Variants in ANKS1B observed in about 807,000 individuals in gnomAD.
ANKS1B encodes the protein ankyrin repeat and sterile alpha motif domain-containing protein 1B.
A neutral mutation model predicts 148.3 loss-of-function variants in ANKS1B; 36 were observed. The observed-to-expected ratio is 0.24, with a 90% CI of 0.19 to 0.32. ANKS1B has a LOEUF of 0.32. ANKS1B is among the 10% of genes least tolerant of loss of function. The pLI is 1.00. For missense variants in ANKS1B, 1,157 were observed against 1,542.6 expected, an observed-to-expected ratio of 0.75 and a Z score of 4.19; for synonymous variants, 542 against 560.8, an observed-to-expected ratio of 0.97 and a Z score of 0.47.
intron 8 of ANKS1B, among the ~76,000 whole-genome samples, chr12:99,729,977 G>A (rs1008468586): frequency 6.6e-6 from 1 of 152,134 alleles, no homozygotes; most frequent in African/African-American, 2.4e-5. Context: ...TTAAATCTTT[G>A]GTGCTGCTCC....
chr12:99,525,108 G>GT (rs11408514), intron 9 of ANKS1B, among the ~76,000 whole-genome samples: 35,530 of 152,010 alleles, frequency 0.23, 5,050 homozygotes, highest in African/African-American at 0.41. Flanking sequence ...CATTTGTGTT[G>GT]TTTTTTTATG....
At chr12:99,350,870 G>A (rs983156373) in intron 12 of ANKS1B, among the ~76,000 whole-genome samples, 9 of 151,902 alleles carry the variant, frequency 5.9e-5, no homozygotes, top group African/African-American at 1.9e-4. Flanking sequence ...ATTCAGCTAC[G>A]GTCACTTAGT....
chr12:98,878,700 T>C lies in ANKS1B; in HGVS notation c.2779-46564A>G, dbSNP rs144418858. ...TGTTAAAATTAAGTATTTAATGCGA[T>C]CACTTTGGGGAAACCACATTGATTA... On this transcript the variant is annotated intron_variant, in intron 17 of 26. Coordinates refer to ENST00000683438, the MANE Select transcript of ANKS1B (RefSeq NM_001352186.2). 3.3e-5 allele frequency among the ~76,000 whole-genome samples: 5 copies of C among 152,274 alleles called. No individual in the cohort carries two copies. The East Asian group carries it at 9.7e-4, about 29-fold the overall frequency.
At chr12:99,185,930 G>A (rs938114023) in intron 14 of ANKS1B, among the ~76,000 whole-genome samples, 7 of 152,132 alleles carry the variant, frequency 4.6e-5, no homozygotes, top group Admixed American at 1.3e-4. Flanking sequence ...AAGCCAGGGA[G>A]CCAAGTGGTC....
intron 12 of ANKS1B, among the ~76,000 whole-genome samples, chr12:99,384,496 C>T (rs2152522888): frequency 1.3e-5 from 2 of 152,204 alleles, no homozygotes; most frequent in South Asian, 4.2e-4. Flanking sequence ...CTCTGAAAGA[C>T]TGTCATTTAC....
At chr12:99,120,524 T>C (rs1332727785) in intron 15 of ANKS1B, among the ~76,000 whole-genome samples, 1 of 152,228 alleles carries the variant, frequency 6.6e-6, no homozygotes, top group African/African-American at 2.4e-5. Context: ...TAAGAACTTG[T>C]TATATGCAAG....
chr12:99,851,372 C>T (rs1158877274), intron 1 of ANKS1B, among the ~76,000 whole-genome samples: 1 of 151,994 alleles, frequency 6.6e-6, no homozygotes, highest in Non-Finnish European at 1.5e-5. Context: ...CTGGCCTTGC[C>T]CTACCCCCAC....
At chr12:98,982,874 A>G (rs2099913656) in intron 17 of ANKS1B, among the ~76,000 whole-genome samples, 1 of 152,188 alleles carries the variant, frequency 6.6e-6, no homozygotes, top group African/African-American at 2.4e-5. Flanking sequence ...CACATGCAAC[A>G]CTTAGTCAGA....
downstream of ANKS1B, among the ~76,000 whole-genome samples, chr12:98,740,449 A>C (rs991419459): frequency 6.6e-6 from 1 of 152,204 alleles, no homozygotes; most frequent in African/African-American, 2.4e-5. Context: ...GCTGGACAGC[A>C]CAGATGTTTG....
At chr12:99,555,260 T>C (rs1275138647) in intron 9 of ANKS1B, among the ~76,000 whole-genome samples, 1 of 152,126 alleles carries the variant, frequency 6.6e-6, no homozygotes, top group African/African-American at 2.4e-5. Context: ...GTTGAACTAA[T>C]TTACATTCCC....
At chr12:98,886,675 T>C (rs1171948129) in intron 17 of ANKS1B, among the ~76,000 whole-genome samples, 1 of 152,168 alleles carries the variant, frequency 6.6e-6, no homozygotes, top group Non-Finnish European at 1.5e-5. Context: ...GTTATTAAGC[T>C]ATGTGGATAA....
chr12:99,263,028 T>A (rs915495654), intron 12 of ANKS1B, among the ~76,000 whole-genome samples: 5 of 152,056 alleles, frequency 3.3e-5, no homozygotes, highest in Admixed American at 2.6e-4. Context: ...TTCAGATGCA[T>A]TATCTGATTT....
intron 12 of ANKS1B, among the ~76,000 whole-genome samples, chr12:99,312,030 AG>A (rs1469009434): frequency 6.6e-6 from 1 of 152,164 alleles, no homozygotes; most frequent in Non-Finnish European, 1.5e-5. Flanking sequence ...AAGCATTTGG[AG>A]AAATTTTAGA....
At position 99,532,916 on chromosome 12, in the gene ANKS1B, T is replaced by C. The variant is rs2097016653; in HGVS notation, c.1273-28275A>G. On this transcript the variant is annotated intron_variant, in intron 9 of 26. Coordinates refer to ENST00000683438, the MANE Select transcript of ANKS1B (RefSeq NM_001352186.2). ...TTATACCAGTACCATGTTATTTTGGTTACTATTATAGCCCTGTAGTATAAC... is the reference window on the plus strand; with the variant it reads ...TTATACCAGTACCATGTTATTTTGGCTACTATTATAGCCCTGTAGTATAAC... 2.0e-5 allele frequency among the ~76,000 whole-genome samples: 3 copies of C among 152,318 alleles called. No homozygotes were observed. The South Asian group carries it at 6.2e-4, about 32-fold the overall frequency.
chr12:98,742,344 C>CTT (rs879698371), downstream of ANKS1B, among the ~76,000 whole-genome samples: 6 of 143,590 alleles, frequency 4.2e-5, no homozygotes, highest in South Asian at 2.2e-4. Flanking sequence ...GCCCATGCAG[C>CTT]TTTTTTTTTT....
At chr12:99,051,245 G>A (rs1360851644) in intron 17 of ANKS1B, among the ~76,000 whole-genome samples, 1 of 152,192 alleles carries the variant, frequency 6.6e-6, no homozygotes, top group Non-Finnish European at 1.5e-5. Flanking sequence ...GAGAGACATA[G>A]AGCCTCACAT....
Position 98,876,104 on chromosome 12 carries a change from C to G in ANKS1B, c.2779-43968G>C, listed in dbSNP as rs77490862. Among the ~76,000 whole-genome samples the G allele has an allele frequency of 0.01, 1,561 of 152,270 alleles. 68 individuals carry two copies. In the East Asian group the frequency reaches 0.11, roughly 11 times the overall value. On this transcript the variant is annotated intron_variant, in intron 17 of 26. Transcript: ENST00000683438. ...GACCCTTCCCACCTACAAATATAGT[C>G]ATACTACACCTCTGCTTAAAGTCCC...
At chr12:99,866,368 C>A (rs2090758405) in intron 1 of ANKS1B, among the ~76,000 whole-genome samples, 1 of 152,094 alleles carries the variant, frequency 6.6e-6, no homozygotes, top group Non-Finnish European at 1.5e-5. Context: ...TTTTCAAGCA[C>A]ACAAAACTTA....
intron 12 of ANKS1B, among the ~76,000 whole-genome samples, chr12:99,362,467 A>G (rs574435551): frequency 6.6e-6 from 1 of 152,118 alleles, no homozygotes; most frequent in African/African-American, 2.4e-5. Flanking sequence ...ATATGACTTA[A>G]GAATTTAAAT....
Sources: gnomAD v4.1 joint callset for allele counts (sites outside exome capture counted in the v4.1 genomes callset) on GRCh38, gnomAD v4.1.1 for gene constraint, MANE v1.5 for transcripts, NCBI Gene and HGNC (gene_info 2026-07-23, HGNC 2026-07-21) for gene names.